The following DBF4 variants were observed in gnomAD, a reference collection of about 807,000 sequenced individuals.
The protein encoded by DBF4 is protein DBF4 homolog A.
Under a neutral mutation model 76.6 loss-of-function variants are expected in DBF4, and 25 were observed. That is an observed-to-expected ratio of 0.33 (90% CI 0.24 to 0.46). DBF4 has a LOEUF of 0.46. DBF4 is among the 20% of genes least tolerant of loss of function. DBF4 has a pLI of 1.00. For missense variants in DBF4, 638 were observed against 760.8 expected (o/e 0.84, Z 1.90); for synonymous variants, 213 against 258.0 (o/e 0.83, Z 1.67).
chr7:87,889,899 T>G (rs1839444046), intron 6 of DBF4, among the ~76,000 whole-genome samples: 1 of 152,218 alleles, frequency 6.6e-6, no homozygotes. Flanking sequence ...AAATGACTAT[T>G]TCCAAATTTT....
chr7:87,901,360 A>G (rs531296033), intron 10 of DBF4, among the ~76,000 whole-genome samples: 21 of 152,320 alleles, frequency 1.4e-4, no homozygotes, highest in African/African-American at 5.1e-4. Context: ...GTCCCAATTT[A>G]AAATGATTGA....
In DBF4 at chr7:87,900,883, A is replaced by C; in HGVS notation, c.924+5A>C. 2 of 1,605,950 alleles carry C rather than the reference A, an allele frequency of 1.2e-6. No homozygotes were observed. The highest frequency in any genetic ancestry group is 1.7e-6 in the Non-Finnish European group (2 of 1,175,154). On this transcript the variant is annotated splice_donor_5th_base_variant and intron_variant, in intron 10 of 11. Coordinates refer to ENST00000265728, the MANE Select transcript of DBF4 (RefSeq NM_006716.4). ...AAATATGAAGATCTAGAAACTGTAA[A>C]TGTGATTTTATATTTTGGGGGCTTG...
rs1562768899 is a variant in DBF4 at position 87,907,693 on chromosome 7, A to G, written c.1555A>G (p.Lys519Glu). 3 of 1,613,968 alleles carry G rather than the reference A, an allele frequency of 1.9e-6. No homozygotes were observed. The highest frequency in any genetic ancestry group is 1.7e-5 in the Admixed American group (1 of 60,002). Residue 519 changes from lysine (K) to glutamate (E), a missense_variant, in exon 12 of 12, where the codon AAG becomes GAG. Lys to Glu is a moderately conservative substitution (Grantham distance 56, BLOSUM62 1). Transcript: ENST00000265728. ...DTVLFPAKDL[K>E]EKDLHSIFTH... The stretch of plus-strand genomic sequence containing the variant: ...TGTGCTTTTTCCAGCAAAGGATCTC[A>G]AGGAAAAGGACCTTCATTCAATATT...
intron 2 of DBF4, 56 bp from the exon 3 acceptor site, chr7:87,884,923 T>A (rs1001566114): frequency 1.5e-6 from 2 of 1,343,376 alleles, no homozygotes; most frequent in Non-Finnish European, 1.0e-6. Context: ...GATAACACAG[T>A]GAGACCGTGT....
Position 87,900,761 on chromosome 7 carries a change from C to T in DBF4, c.810-3C>T, listed in dbSNP as rs768987303. 7.5e-6 allele frequency: 12 copies of T among 1,609,056 alleles called. No individual in the cohort carries two copies. Among genetic ancestry groups the T allele is most frequent in the South Asian group, 1.1e-5 (1 of 90,546 alleles). The stretch of plus-strand genomic sequence containing the variant: ...ATTCTTTACCATGTATGTCTGTCAT[C>T]AGAATCCAAACAGATGGCGATAAGT... On this transcript the variant is annotated splice_region_variant and splice_polypyrimidine_tract_variant and intron_variant, in intron 9 of 11. Transcript: ENST00000265728.
In DBF4 at chr7:87,886,535, CAAAAAAAAAAAA is replaced by C. The variant is rs11411808; in HGVS notation, c.400-297_400-286del. Among the ~76,000 whole-genome samples the C allele has an allele frequency of 8.1e-3, 438 of 54,282 alleles. 5 individuals carry two copies. In the East Asian group the frequency reaches 0.12, roughly 15 times the overall value. The allele number at this position is 54,282 out of a possible 152,430, so 35.6% of individuals were successfully genotyped here. On this transcript the variant is annotated intron_variant, in intron 3 of 11. Coordinates refer to ENST00000265728, the MANE Select transcript of DBF4 (RefSeq NM_006716.4). ...GAGCGACACAGCAAGACTTTGTCTC[CAAAAAAAAAAAA>C]AAAAAAAAAAAGGTGAAATAACATG... is the stretch of plus-strand genomic sequence containing the variant.
In DBF4 at chr7:87,900,896, T is replaced by C. The variant is rs773132459; in HGVS notation, c.924+18T>C. 2 of 1,593,670 alleles carry C rather than the reference T, an allele frequency of 1.3e-6. No individual in the cohort carries two copies. The highest frequency in any genetic ancestry group is 1.3e-5 in the African/African-American group (1 of 74,212). On this transcript the variant is annotated intron_variant, in intron 10 of 11. Coordinates refer to ENST00000265728, the MANE Select transcript of DBF4 (RefSeq NM_006716.4). ...TAGAAACTGTAAATGTGATTTTATA[T>C]TTTGGGGGCTTGTTTCGAAAACTGT...
intron 6 of DBF4, among the ~76,000 whole-genome samples, chr7:87,892,498 TG>T (rs774683159): frequency 1.1e-4 from 16 of 152,240 alleles, no homozygotes; most frequent in Non-Finnish European, 1.8e-4. Flanking sequence ...AAGGACATCT[TG>T]GTTGCTTCCA....
At chr7:87,904,259 A>G (rs201940191) in intron 10 of DBF4, 33 bp from the exon 11 acceptor site, 26 of 1,568,454 alleles carry the variant, frequency 1.7e-5, no homozygotes, top group East Asian at 6.8e-5. Flanking sequence ...TTTAAATACA[A>G]TTTTTTGATA....
chr7:87,902,545 G>A (rs190477537), intron 10 of DBF4, among the ~76,000 whole-genome samples: 1 of 152,166 alleles, frequency 6.6e-6, no homozygotes, highest in Non-Finnish European at 1.5e-5. Context: ...TAAATAATGA[G>A]GTTATTTAAC....
chr7:87,876,800 T>C (rs763501718), intron 1 of DBF4, 22 bp downstream of exon 1: 3 of 1,613,548 alleles, frequency 1.9e-6, no homozygotes, highest in East Asian at 2.2e-5. Context: ...CTCCTCCGCC[T>C]GCAGTCCCTT....
chr7:87,883,762 G>A (rs760823006), intron 2 of DBF4, among the ~76,000 whole-genome samples: 2 of 152,168 alleles, frequency 1.3e-5, no homozygotes, highest in African/African-American at 4.8e-5. Flanking sequence ...ATCATTTATA[G>A]TGTGGGATCC....
chr7:87,881,017 G>C (rs553773751), intron 2 of DBF4, among the ~76,000 whole-genome samples: 1 of 152,340 alleles, frequency 6.6e-6, no homozygotes, highest in South Asian at 2.1e-4. Flanking sequence ...AAATGGCATA[G>C]ATTCAACAAT....
chr7:87,897,468 A>C, intron 8 of DBF4, 129 bp downstream of exon 8: 1 of 742,610 alleles, frequency 1.3e-6, no homozygotes, highest in Admixed American at 2.8e-5. Context: ...ACTAATGTGC[A>C]TGCGGCACAA....
chr7:87,906,000 G>GAA (rs919241602), intron 11 of DBF4, among the ~76,000 whole-genome samples: 1 of 138,574 alleles, frequency 7.2e-6, no homozygotes, highest in African/African-American at 2.6e-5. Context: ...CATCTCCACT[G>GAA]AAAAAAAAAA....
chr7:87,902,612 CTT>C (rs2131074188), intron 10 of DBF4, among the ~76,000 whole-genome samples: 1 of 152,202 alleles, frequency 6.6e-6, no homozygotes, highest in East Asian at 1.9e-4. Context: ...TAAATTAAGA[CTT>C]ATAAGGATGA....
At chr7:87,881,314 A>G (rs1473707584) in intron 2 of DBF4, among the ~76,000 whole-genome samples, 1 of 152,238 alleles carries the variant, frequency 6.6e-6, no homozygotes, top group African/African-American at 2.4e-5. Flanking sequence ...AGGCTGAGGC[A>G]GGAGAATCTC....
In DBF4 at chr7:87,896,782, T is replaced by C. The variant is rs151258151; in HGVS notation, c.634+272T>C. 4.9e-3 allele frequency among the ~76,000 whole-genome samples: 741 copies of C among 152,320 alleles called. 4 individuals carry two copies. Among genetic ancestry groups the C allele is most frequent in the African/African-American group, 0.017 (700 of 41,584 alleles). ...ACCAAAATAGTTTTTAATTGTGAAA[T>C]AGTGATAACTTGCTTTTTATTACAC... On this transcript the variant is annotated intron_variant, in intron 7 of 11. Coordinates refer to ENST00000265728, the MANE Select transcript of DBF4 (RefSeq NM_006716.4).
At chr7:87,881,157 A>G (rs990158458) in intron 2 of DBF4, among the ~76,000 whole-genome samples, 1 of 152,212 alleles carries the variant, frequency 6.6e-6, no homozygotes, top group Non-Finnish European at 1.5e-5. Flanking sequence ...ATGTAATCCT[A>G]GCACTTTGGG....
Sources: gnomAD v4.1 joint callset for allele counts (sites outside exome capture counted in the v4.1 genomes callset) on GRCh38, gnomAD v4.1.1 for gene constraint, MANE v1.5 for transcripts, NCBI Gene and HGNC (gene_info 2026-07-23, HGNC 2026-07-21) for gene names.